Variants in EXT1 observed in about 807,000 individuals in gnomAD.
The protein encoded by EXT1 is exostosin-1.
In EXT1, 20 loss-of-function variants were observed where a neutral mutation model predicts 82.5. The ratio of observed to expected loss-of-function variants is 0.24; its 90% CI spans 0.17 to 0.35. The LOEUF is 0.35. EXT1 is among the 10% of genes least tolerant of loss of function. The probability of loss-of-function intolerance (pLI) is 1.00; values close to 1 mark genes in which losing one functional copy is unlikely to be tolerated. For synonymous variants in EXT1, 348 were observed against 350.8 expected (o/e 0.99, Z 0.09); for missense variants, 757 against 936.5 (o/e 0.81, Z 2.50).
chr8:118,026,157 C>G (rs1463857821), intron 1 of EXT1, among the ~76,000 whole-genome samples: 1 of 152,150 alleles, frequency 6.6e-6, no homozygotes, highest in Non-Finnish European at 1.5e-5. Context: ...ATGGCAAGAC[C>G]TACAATCTTC....
At chr8:118,007,931 A>G (rs1289207561) in intron 1 of EXT1, among the ~76,000 whole-genome samples, 1 of 152,242 alleles carries the variant, frequency 6.6e-6, no homozygotes, top group African/African-American at 2.4e-5. Flanking sequence ...CAGTGCTGGC[A>G]GAGGAGGCAC....
chr8:117,935,159 C>A (rs1286407628), intron 1 of EXT1, among the ~76,000 whole-genome samples: 1 of 152,006 alleles, frequency 6.6e-6, no homozygotes, highest in African/African-American at 2.4e-5. Flanking sequence ...GTTAAAGAGG[C>A]CTACTACCCA....
chr8:117,828,196 T>C (rs1475548907), intron 4 of EXT1, among the ~76,000 whole-genome samples: 3 of 152,196 alleles, frequency 2.0e-5, no homozygotes, highest in Non-Finnish European at 2.9e-5. Context: ...TATATATCAA[T>C]AGTGGTTTTA....
intron 1 of EXT1, among the ~76,000 whole-genome samples, chr8:117,915,748 C>A (rs566734974): frequency 6.6e-6 from 1 of 152,114 alleles, no homozygotes; most frequent in Non-Finnish European, 1.5e-5. Context: ...CCCAGCTACT[C>A]AGGAGGCTGA....
chr8:118,066,353 T>TTTATTTATTTAC (rs1563645321), intron 1 of EXT1, among the ~76,000 whole-genome samples: 1 of 150,636 alleles, frequency 6.6e-6, no homozygotes, highest in African/African-American at 2.4e-5. Flanking sequence ...TATTTATTTA[T>TTTATTTATTTAC]TTATTTATTT....
intron 1 of EXT1, among the ~76,000 whole-genome samples, chr8:117,957,946 G>C (rs1464575967): frequency 6.6e-6 from 1 of 152,190 alleles, no homozygotes; most frequent in African/African-American, 2.4e-5. Context: ...AACAGATGTT[G>C]AGGTGATCTT....
rs541461355 is a variant in EXT1 at position 117,984,444 on chromosome 8, C to CA, written c.962+125640dup. Reference sequence around the variant, plus strand: ...ACTCCGTCTCAAAAACAAAACAAAACAAAACAAAAAAAAAAAACAAAGAAA... The same window carrying CA: ...ACTCCGTCTCAAAAACAAAACAAAACAAAAACAAAAAAAAAAAACAAAGAAA... On this transcript the variant is annotated intron_variant, in intron 1 of 10. Transcript: ENST00000378204. Among the ~76,000 whole-genome samples the CA allele has an allele frequency of 7.9e-3, 825 of 104,868 alleles. 1 individual carries two copies. Among genetic ancestry groups the CA allele is most frequent in the South Asian group, 0.019 (58 of 3,060 alleles). The allele number at this position is 104,868 out of a possible 152,430, so 68.8% of individuals were successfully genotyped here. A position where few individuals can be genotyped will look rare whatever the true frequency, so the allele number is the denominator to read the frequency against.
At chr8:118,083,166 A>G (rs1817360704) in intron 1 of EXT1, among the ~76,000 whole-genome samples, 1 of 152,220 alleles carries the variant, frequency 6.6e-6, no homozygotes, top group East Asian at 1.9e-4. Context: ...GGATATAATG[A>G]TACTTTTAGC....
In EXT1 at chr8:117,856,647, T is replaced by G. The variant is rs1046594629; in HGVS notation, c.963-19446A>C. ...TTTGAACCTAGCAGAGGTTGGCTCA[T>G]GAGGCTTTAAAAAAGAAGCCATTTC... On this transcript the variant is annotated intron_variant, in intron 1 of 10. Transcript: ENST00000378204. 2.6e-5 allele frequency among the ~76,000 whole-genome samples: 4 copies of G among 152,012 alleles called. No homozygotes were observed. The South Asian group carries it at 6.2e-4, about 24-fold the overall frequency.
At chr8:117,973,955 A>C (rs188924314) in intron 1 of EXT1, among the ~76,000 whole-genome samples, 1 of 148,982 alleles carries the variant, frequency 6.7e-6, no homozygotes, top group Admixed American at 6.7e-5. Context: ...GGAAGGAAGG[A>C]AGGAAGGAAG....
At chr8:117,987,269 T>C (rs945048759) in intron 1 of EXT1, among the ~76,000 whole-genome samples, 3 of 152,186 alleles carry the variant, frequency 2.0e-5, no homozygotes, top group Non-Finnish European at 4.4e-5. Context: ...TCTCAGACAC[T>C]AACCTGGAGT....
intron 1 of EXT1, among the ~76,000 whole-genome samples, chr8:118,033,116 TTATAC>T (rs1816361450): frequency 6.6e-6 from 1 of 152,192 alleles, no homozygotes; most frequent in African/African-American, 2.4e-5. Flanking sequence ...CCCTGTTCTC[TTATAC>T]TAGGCCAGTC....
chr8:118,032,855 T>A (rs889515348), intron 1 of EXT1, among the ~76,000 whole-genome samples: 1 of 152,176 alleles, frequency 6.6e-6, no homozygotes, highest in African/African-American at 2.4e-5. Flanking sequence ...TCCCCAGGTA[T>A]ATAATTTTAT....
At chr8:118,019,245 T>C (rs199523757) in intron 1 of EXT1, among the ~76,000 whole-genome samples, 7 of 29,606 alleles carry the variant, frequency 2.4e-4, no homozygotes, top group African/African-American at 6.6e-4. Context: ...AGCAGTACGA[T>C]TGAAAGAAAG....
rs183775149 is a variant in EXT1, at chr8:117,859,328, T to C, written c.963-22127A>G. Among the ~76,000 whole-genome samples the C allele has an allele frequency of 1.2e-3, 181 of 152,300 alleles. No individual in the cohort carries two copies. The Middle Eastern group carries it at 0.017, about 14-fold the overall frequency. Reference sequence around the variant, plus strand: ...CCCTTGGGAGGCTAAGTGGAGACTGTAGAATAAAAATGAGGAAGAATAAGT... The same window carrying C: ...CCCTTGGGAGGCTAAGTGGAGACTGCAGAATAAAAATGAGGAAGAATAAGT... On this transcript the variant is annotated intron_variant, in intron 1 of 10. Coordinates refer to ENST00000378204, the MANE Select transcript of EXT1 (RefSeq NM_000127.3).
At chr8:118,057,302 G>A (rs1409384429) in intron 1 of EXT1, among the ~76,000 whole-genome samples, 2 of 152,150 alleles carry the variant, frequency 1.3e-5, no homozygotes, top group Non-Finnish European at 2.9e-5. Context: ...CACTTTGGGA[G>A]GCCGAGGCAG....
chr8:118,069,503 A>G (rs1350232195), intron 1 of EXT1, among the ~76,000 whole-genome samples: 3 of 152,312 alleles, frequency 2.0e-5, no homozygotes, highest in African/African-American at 2.4e-5. Flanking sequence ...TATGAAGCAG[A>G]TAAGAGAGCA....
chr8:118,109,361 A>AG (rs1337890728), intron 1 of EXT1, among the ~76,000 whole-genome samples: 2 of 10,506 alleles, frequency 1.9e-4, no homozygotes, highest in African/African-American at 5.2e-4. Flanking sequence ...GCCCACATTT[A>AG]AAAAAAAAAA....
chr8:117,811,909 A>G (rs929774301), intron 8 of EXT1, among the ~76,000 whole-genome samples: 1 of 152,114 alleles, frequency 6.6e-6, no homozygotes, highest in Admixed American at 6.5e-5. Context: ...CCACCGCGTC[A>G]GGCCACATCT....
Sources: allele counts gnomAD v4.1 joint callset (sites outside exome capture counted in the v4.1 genomes callset), GRCh38; gene constraint gnomAD v4.1.1; transcripts MANE v1.5; gene names NCBI Gene and HGNC (gene_info 2026-07-23, HGNC 2026-07-21).